The following DHX33 variants were observed in gnomAD, a reference collection of about 807,000 sequenced individuals.
DHX33 encodes DEAH-box helicase 33, also known as ATP-dependent RNA helicase DHX33.
In DHX33, 42 loss-of-function variants were observed where a neutral mutation model predicts 72.5. The observed-to-expected ratio is 0.58, with a 90% CI of 0.45 to 0.75. The LOEUF is 0.75. Ranked by LOEUF, DHX33 falls within the 30% of genes least tolerant of loss-of-function variation. The pLI is 0.00. For missense variants in DHX33, 842 were observed against 917.5 expected (o/e 0.92, Z 1.06); for synonymous variants, 358 against 366.1 (o/e 0.98, Z 0.25).
chr17:5,448,513 T>TA (rs927228097), intron 11 of DHX33, among the ~76,000 whole-genome samples: 2 of 152,022 alleles, frequency 1.3e-5, no homozygotes, highest in Non-Finnish European at 2.9e-5. Context: ...TATTCATACT[T>TA]AAAAAAAATC....
chr17:5,453,454 ATGT>A, intron 8 of DHX33, 123 bp downstream of exon 8: 1 of 741,274 alleles, frequency 1.3e-6, no homozygotes, highest in Non-Finnish European at 2.3e-6. Context: ...CTAATAACTA[ATGT>A]TGTCATCCAC....
Position 5,444,539 on chromosome 17 carries a change from G to A in DHX33, c.1816-26C>T. On this transcript the variant is annotated intron_variant, in intron 11 of 11. Transcript: ENST00000225296. The surrounding 1 kb of genome is among the most constrained non-coding windows in gnomAD (Gnocchi z 4.9). ...CTGTTTCGGGAGAAAGCGAGGAATG[G>A]AGCCGACCCCACACGTAAACACTGG... 3 of 1,603,828 alleles carry A rather than the reference G, an allele frequency of 1.9e-6. No homozygotes were observed. Among genetic ancestry groups the A allele is most frequent in the Non-Finnish European group, 2.6e-6 (3 of 1,174,750 alleles).
At position 5,468,874 on chromosome 17, in the gene DHX33, G is replaced by A. The variant is rs369509015; in HGVS notation, c.-15C>T. On this transcript the variant is annotated 5_prime_UTR_variant, in exon 1 of 12. Coordinates refer to ENST00000225296, the MANE Select transcript of DHX33 (RefSeq NM_020162.4). ...TCCTCCGGCATGTCGGGAGGGCACCGCGGCGGGAGGCGCAAGCGCCGAGAG... is the reference window on the plus strand; with the variant it reads ...TCCTCCGGCATGTCGGGAGGGCACCACGGCGGGAGGCGCAAGCGCCGAGAG... 2.6e-6 allele frequency: 4 copies of A among 1,549,514 alleles called. No homozygotes were observed. Among genetic ancestry groups the A allele is most frequent in the Admixed American group, 2.0e-5 (1 of 50,932 alleles).
chr17:5,467,114 A>T (rs1261023168), intron 1 of DHX33, among the ~76,000 whole-genome samples: 1 of 152,238 alleles, frequency 6.6e-6, no homozygotes, highest in Non-Finnish European at 1.5e-5. Flanking sequence ...AAGCTAAGGG[A>T]GTACCAAAAC....
chr17:5,464,303 A>G (rs1393161133), intron 1 of DHX33, among the ~76,000 whole-genome samples: 2 of 152,186 alleles, frequency 1.3e-5, no homozygotes, highest in African/African-American at 4.8e-5. Flanking sequence ...ACACTCCAGC[A>G]TGGGCAACGG....
chr17:5,460,894 C>T, intron 4 of DHX33, 45 bp downstream of exon 4: 1 of 1,575,822 alleles, frequency 6.3e-7, no homozygotes, highest in East Asian at 2.3e-5. Context: ...CTACCAACTG[C>T]AAGATAAAAG....
chr17:5,453,439 C>T, intron 8 of DHX33, 141 bp downstream of exon 8: 1 of 679,628 alleles, frequency 1.5e-6, no homozygotes, highest in Non-Finnish European at 2.6e-6. Flanking sequence ...TTTTCAGATG[C>T]TTCTCTAATA....
At chr17:5,447,346 C>T (rs929183635) in intron 11 of DHX33, among the ~76,000 whole-genome samples, 1 of 151,912 alleles carries the variant, frequency 6.6e-6, no homozygotes, top group Non-Finnish European at 1.5e-5. Flanking sequence ...AGTGAAACCC[C>T]GTCTCTACTA....
rs774196833 is a variant in DHX33, at chr17:5,468,551, C to T, written c.289+20G>A. ...CCACGGACGAAGTGCAAGGAAGAGC[C>T]CGCCGGCGCGGCCACTCACCGATGA... On this transcript the variant is annotated intron_variant, in intron 1 of 11. Coordinates refer to ENST00000225296, the MANE Select transcript of DHX33 (RefSeq NM_020162.4). 1.7e-5 allele frequency: 28 copies of T among 1,600,694 alleles called. No homozygotes were observed. Among genetic ancestry groups the T allele is most frequent in the South Asian group, 3.4e-5 (3 of 89,354 alleles).
At chr17:5,452,397 G>A (rs539962923) in intron 8 of DHX33, among the ~76,000 whole-genome samples, 10 of 152,224 alleles carry the variant, frequency 6.6e-5, no homozygotes, top group South Asian at 4.1e-4. Flanking sequence ...AAAATTAGCC[G>A]GGCATGGTGG....
At chr17:5,468,201 A>G (rs866237294) in intron 1 of DHX33, among the ~76,000 whole-genome samples, 9 of 152,102 alleles carry the variant, frequency 5.9e-5, no homozygotes, top group African/African-American at 2.2e-4. Flanking sequence ...TCAGGTTCCC[A>G]TCTCTCAAAC....
chr17:5,444,109 A>G lies in DHX33; in HGVS notation c.*96T>C. 1 of 1,434,030 alleles carries G rather than the reference A, an allele frequency of 7.0e-7. No homozygotes were observed. Among genetic ancestry groups the G allele is most frequent in the Non-Finnish European group, 9.4e-7 (1 of 1,068,868 alleles). 88.8% of individuals were successfully genotyped at this position (1,434,030 alleles called of 1,614,324 possible). A position where few individuals can be genotyped will look rare whatever the true frequency, so the allele number is the denominator to read the frequency against. On this transcript the variant is annotated 3_prime_UTR_variant, in exon 12 of 12. Coordinates refer to ENST00000225296, the MANE Select transcript of DHX33 (RefSeq NM_020162.4). The surrounding 1 kb of genome is among the most constrained non-coding windows in gnomAD (Gnocchi z 4.9). ...AAGTCAGGCACCTTCAGCTGATTCC[A>G]AGGCTTCTCTAAGCGCCAACCTGGA... is the stretch of plus-strand genomic sequence containing the variant.
chr17:5,444,374 A>G lies in DHX33; in HGVS notation c.1955T>C (p.Ile652Thr), dbSNP rs762025075. Residue 652 changes from isoleucine (I) to threonine (T), a missense_variant, in exon 12 of 12, where the codon ATC (isoleucine) becomes ACC (threonine). Coordinates refer to ENST00000225296, the MANE Select transcript of DHX33 (RefSeq NM_020162.4). The surrounding 1 kb of genome is among the most constrained non-coding windows in gnomAD (Gnocchi z 4.9). ...ATTDTHQPVA[I>T]HPSSVLFHCK... ...GTGGAAGAGGACAGACGACGGGTGG[A>G]TGGCCACTGGCTGGTGGGTGTCCGT... 6.2e-7 allele frequency: 1 copy of G among 1,614,120 alleles called. No individual in the cohort carries two copies. Among genetic ancestry groups the G allele is most frequent in the African/African-American group, 1.3e-5 (1 of 74,942 alleles).
chr17:5,445,709 G>A (rs949292171), intron 11 of DHX33, among the ~76,000 whole-genome samples: 12 of 152,178 alleles, frequency 7.9e-5, no homozygotes, highest in African/African-American at 2.9e-4. Flanking sequence ...TTGAGTGGAG[G>A]GGCCATGCAG....
chr17:5,458,010 A>G (rs1029115054), intron 4 of DHX33, among the ~76,000 whole-genome samples: 1 of 152,220 alleles, frequency 6.6e-6, no homozygotes, highest in Non-Finnish European at 1.5e-5. Context: ...GGGCTGGATG[A>G]CTTGGCTAGA....
At chr17:5,454,040 T>C in intron 6 of DHX33, 60 bp from the exon 7 acceptor site, 1 of 1,575,154 alleles carries the variant, frequency 6.3e-7, no homozygotes, top group Non-Finnish European at 8.6e-7. Context: ...TTCTACAGTG[T>C]CGATAAAAAG....
At position 5,460,503 on chromosome 17, in the gene DHX33, G is replaced by GTT. The variant is rs934730522; in HGVS notation, c.849+434_849+435dup. On this transcript the variant is annotated intron_variant, in intron 4 of 11. Transcript: ENST00000225296. The stretch of plus-strand genomic sequence containing the variant: ...ACAGCAAATGAACTCCTTATTCATT[G>GTT]TTTTTTTTTTGTTTTTTTTTTCAGA... 3.4e-3 allele frequency among the ~76,000 whole-genome samples: 497 copies of GTT among 144,874 alleles called. 2 individuals carry two copies. The highest frequency in any genetic ancestry group is 0.014 in the Middle Eastern group (4 of 276).
chr17:5,466,331 T>C (rs1165662226), intron 1 of DHX33, among the ~76,000 whole-genome samples: 1 of 152,248 alleles, frequency 6.6e-6, no homozygotes, highest in Non-Finnish European at 1.5e-5. Flanking sequence ...GCATATTAAA[T>C]GCATTTCCAA....
At chr17:5,462,297 T>G in intron 3 of DHX33, 22 bp downstream of exon 3, 3 of 1,606,628 alleles carry the variant, frequency 1.9e-6, no homozygotes, top group Non-Finnish European at 2.6e-6. Flanking sequence ...CCTCATACTT[T>G]CAGGGGAAGT....
Sources: gnomAD v4.1 joint callset for allele counts (sites outside exome capture counted in the v4.1 genomes callset) on GRCh38, gnomAD v4.1.1 for gene constraint, Gnocchi (gnomAD v3.1) non-coding constraint, MANE v1.5 for transcripts, NCBI Gene and HGNC (gene_info 2026-07-23, HGNC 2026-07-21) for gene names.